The following KANSL2 variants were observed in gnomAD, a reference collection of about 807,000 sequenced individuals.
The protein encoded by KANSL2 is KAT8 regulatory NSL complex subunit 2, also known as NSL complex protein NSL2.
A neutral mutation model predicts 55.6 loss-of-function variants in KANSL2; 34 were observed. The ratio of observed to expected loss-of-function variants is 0.61; its 90% CI spans 0.46 to 0.81. The LOEUF is 0.81. Among genes scored for constraint, KANSL2 ranks in the 40% least tolerant of loss-of-function variants. The probability of loss-of-function intolerance (pLI) is 0.00; values close to 1 mark genes in which losing one functional copy is unlikely to be tolerated. For synonymous variants in KANSL2, 209 were observed against 214.3 expected, an observed-to-expected ratio of 0.98 and a Z score of 0.22; for missense variants, 502 against 609.9, an observed-to-expected ratio of 0.82 and a Z score of 1.86.
At chr12:48,664,183 G>A (rs1939544646) in intron 7 of KANSL2, among the ~76,000 whole-genome samples, 1 of 151,902 alleles carries the variant, frequency 6.6e-6, no homozygotes, top group African/African-American at 2.4e-5. Context: ...CCAAAGTGCT[G>A]AGATTACAGG....
At chr12:48,681,301 CG>C (rs1565610943) in intron 2 of KANSL2, 80 bp downstream of exon 2, 22 of 1,475,696 alleles carry the variant, frequency 1.5e-5, no homozygotes, top group Non-Finnish European at 1.9e-5. Context: ...ATCTCAAACG[CG>C]GCAGCTATGC....
chr12:48,675,348 G>T (rs1483077624), intron 4 of KANSL2, among the ~76,000 whole-genome samples: 14 of 152,226 alleles, frequency 9.2e-5, no homozygotes, highest in Non-Finnish European at 1.5e-5. Context: ...AAAGGTTGCA[G>T]TGAGCTGAGA....
chr12:48,681,211 A>C, intron 2 of KANSL2, 171 bp downstream of exon 2: 1 of 622,838 alleles, frequency 1.6e-6, no homozygotes, highest in Non-Finnish European at 2.7e-6. Context: ...TAAGTAATCC[A>C]ACTCAAGGGT....
chr12:48,658,125 G>C (rs1939423556), intron 8 of KANSL2, among the ~76,000 whole-genome samples: 1 of 152,022 alleles, frequency 6.6e-6, no homozygotes, highest in Non-Finnish European at 1.5e-5. Context: ...CAACTACTCG[G>C]AAGGCTTAGA....
In KANSL2 at chr12:48,681,625, C is replaced by A; in HGVS notation, c.8G>T (p.Arg3Met). 6.2e-7 allele frequency: 1 copy of A among 1,614,062 alleles called. No individual in the cohort carries two copies. The highest frequency in any genetic ancestry group is 8.5e-7 in the Non-Finnish European group (1 of 1,179,908). MN[R>M]IRIHVLPTNR... ...GGTTGGCAAGACGTGAATCCGAATC[C>A]TGTTCATAACCAAAACCTGCGGGGT... The change falls in exon 2 of 10, where the codon AGG (arginine) becomes ATG (methionine). Residue 3 changes from arginine (R) to methionine (M), a missense_variant. Physicochemically the swap from Arg to Met is moderately conservative, Grantham distance 91 (BLOSUM62 -1). Coordinates refer to ENST00000420613, the MANE Select transcript of KANSL2 (RefSeq NM_017822.4).
intron 2 of KANSL2, among the ~76,000 whole-genome samples, chr12:48,680,355 C>A (rs1453476068): frequency 2.0e-5 from 3 of 152,062 alleles, no homozygotes; most frequent in African/African-American, 7.2e-5. Flanking sequence ...CTATGCCCAG[C>A]GAGTTTTTTA....
rs1053014753 is a variant in KANSL2, at chr12:48,653,380, A to G, written c.*664T>C. 2 of 152,628 alleles carry G rather than the reference A, an allele frequency of 1.3e-5. No individual in the cohort carries two copies. Among genetic ancestry groups the G allele is most frequent in the African/African-American group, 2.4e-5 (1 of 41,444 alleles). The allele number at this position is 152,628 out of a possible 1,614,324, so 9.5% of individuals were successfully genotyped here. Reference sequence around the variant, plus strand: ...AGGTCCCCAAAACCGCGAAAAAGAAACTATATTCTCAAACAAAACATGCAT... The same window carrying G: ...AGGTCCCCAAAACCGCGAAAAAGAAGCTATATTCTCAAACAAAACATGCAT... On this transcript the variant is annotated 3_prime_UTR_variant, in exon 10 of 10. Coordinates refer to ENST00000420613, the MANE Select transcript of KANSL2 (RefSeq NM_017822.4).
chr12:48,661,202 T>A, intron 7 of KANSL2: 3 of 969,562 alleles, frequency 3.1e-6, no homozygotes, highest in Non-Finnish European at 3.7e-6. Flanking sequence ...TGCCTTTTTT[T>A]TTTAGGGGAG....
Position 48,654,069 on chromosome 12 carries a change from T to C in KANSL2, c.1454A>G (p.Lys485Arg). 6.2e-7 allele frequency: 1 copy of C among 1,601,460 alleles called. No homozygotes were observed. Among genetic ancestry groups the C allele is most frequent in the Non-Finnish European group, 8.5e-7 (1 of 1,175,938 alleles). The change falls in exon 10 of 10, where the codon AAG (lysine) becomes AGG (arginine). Residue 485 changes from lysine (K) to arginine (R), a missense_variant. Physicochemically the swap from Lys to Arg is conservative, Grantham distance 26. Transcript: ENST00000420613. ...TCAACTAATAGAAGTGGGTTCTGGCTTCCCATTTGCAGTAGCCAATCCACT... is the reference window on the plus strand; with the variant it reads ...TCAACTAATAGAAGTGGGTTCTGGCCTCCCATTTGCAGTAGCCAATCCACT... ...SQSGLATANG[K>R]PEPTSIS
rs138530062 is a variant in KANSL2 at position 48,672,518 on chromosome 12, C to T, written c.546-556G>A. 6.7e-5 allele frequency among the ~76,000 whole-genome samples: 10 copies of T among 148,776 alleles called. No homozygotes were observed. In the East Asian group the frequency reaches 2.0e-3, roughly 30 times the overall value. Reference sequence around the variant, plus strand: ...CAATCACAGCTCACTATAACCTTTGCTTCCTGGGCTCAAGCGATCCTCCCA... The same window carrying T: ...CAATCACAGCTCACTATAACCTTTGTTTCCTGGGCTCAAGCGATCCTCCCA... On this transcript the variant is annotated intron_variant, in intron 4 of 9. Transcript: ENST00000420613.
chr12:48,675,360 C>T (rs941044737), intron 4 of KANSL2, among the ~76,000 whole-genome samples: 4 of 152,142 alleles, frequency 2.6e-5, no homozygotes, highest in Admixed American at 1.3e-4. Flanking sequence ...GAGCTGAGAT[C>T]GTGCCACTGC....
intron 5 of KANSL2, among the ~76,000 whole-genome samples, chr12:48,669,520 AATT>A (rs1174132839): frequency 1.3e-5 from 2 of 149,506 alleles, no homozygotes; most frequent in African/African-American, 4.9e-5. Context: ...CTGGAAAAAA[AATT>A]TTTTTTTTTT....
intron 2 of KANSL2, among the ~76,000 whole-genome samples, chr12:48,680,249 C>T (rs970327230): frequency 2.6e-5 from 4 of 152,104 alleles, no homozygotes; most frequent in Admixed American, 1.3e-4. Flanking sequence ...TTTGTAGAAA[C>T]GAAGTCTATG....
intron 4 of KANSL2, among the ~76,000 whole-genome samples, chr12:48,673,907 C>T (rs140023820): frequency 6.7e-5 from 10 of 149,904 alleles, no homozygotes; most frequent in South Asian, 2.1e-4. Context: ...GCTGAGATGG[C>T]GCCACTGCAC....
At chr12:48,672,362 T>C (rs184063927) in intron 4 of KANSL2, among the ~76,000 whole-genome samples, 1 of 146,654 alleles carries the variant, frequency 6.8e-6, no homozygotes, top group East Asian at 2.0e-4. Flanking sequence ...TATACATATA[T>C]ACATGTATAT....
At chr12:48,672,691 G>A (rs1023830835) in intron 4 of KANSL2, among the ~76,000 whole-genome samples, 2 of 151,684 alleles carry the variant, frequency 1.3e-5, no homozygotes, top group Non-Finnish European at 2.9e-5. Context: ...CTCACAAAGT[G>A]CTGGAATTAA....
At chr12:48,674,088 T>C (rs1409959562) in intron 4 of KANSL2, among the ~76,000 whole-genome samples, 1 of 152,212 alleles carries the variant, frequency 6.6e-6, no homozygotes, top group Non-Finnish European at 1.5e-5. Context: ...AAAATTTTAT[T>C]GAAAAGGCAA....
Position 48,671,797 on chromosome 12 carries a change from G to A in KANSL2, c.709+2C>T, listed in dbSNP as rs763220299. The A allele has an allele frequency of 6.2e-7, 1 of 1,607,734 alleles. No individual in the cohort carries two copies. The highest frequency in any genetic ancestry group is 1.1e-5 in the South Asian group (1 of 89,938). ...GCTTGTTGGAACTGGCATAAAACTTGCCTAGAGCTTCATGTTCCACTTTGC... is the reference window on the plus strand; with the variant it reads ...GCTTGTTGGAACTGGCATAAAACTTACCTAGAGCTTCATGTTCCACTTTGC... On this transcript the variant is annotated splice_donor_variant, in intron 5 of 9. Transcript: ENST00000420613. LOFTEE classifies it low-confidence loss of function (GC_TO_GT_DONOR).
chr12:48,655,377 T>C (rs1939358290), intron 8 of KANSL2, among the ~76,000 whole-genome samples: 3 of 152,122 alleles, frequency 2.0e-5, no homozygotes, highest in Admixed American at 2.0e-4. Flanking sequence ...AAGACCAGCC[T>C]GGGCAACATG....
Sources: allele counts gnomAD v4.1 joint callset (sites outside exome capture counted in the v4.1 genomes callset), GRCh38; gene constraint gnomAD v4.1.1; transcripts MANE v1.5; gene names NCBI Gene and HGNC (gene_info 2026-07-23, HGNC 2026-07-21).